Variants in ZFPM2 observed in about 807,000 individuals in gnomAD.
ZFPM2 encodes the protein zinc finger protein ZFPM2.
In ZFPM2, 20 loss-of-function variants were observed where a neutral mutation model predicts 98.6. That is an observed-to-expected ratio of 0.20 (90% CI 0.14 to 0.29). ZFPM2 has a LOEUF of 0.29. ZFPM2 is among the 10% of genes least tolerant of loss of function. ZFPM2 has a pLI of 1.00. For missense variants in ZFPM2, 1,310 were observed against 1,388.6 expected, an observed-to-expected ratio of 0.94 and a Z score of 0.90; for synonymous variants, 518 against 502.7, an observed-to-expected ratio of 1.03 and a Z score of -0.41.
intron 7 of ZFPM2, among the ~76,000 whole-genome samples, chr8:105,799,854 A>G (rs1461963178): frequency 6.6e-6 from 1 of 152,174 alleles, no homozygotes. Flanking sequence ...AAATGGAAAC[A>G]CATGTTGAGT....
intron 3 of ZFPM2, among the ~76,000 whole-genome samples, chr8:105,503,934 G>A (rs1483590371): frequency 6.6e-6 from 1 of 152,166 alleles, no homozygotes; most frequent in East Asian, 1.9e-4. Flanking sequence ...GTCGCTGCTG[G>A]TATCCATTCT....
chr8:105,797,708 A>G (rs1813875158), intron 6 of ZFPM2, among the ~76,000 whole-genome samples: 1 of 151,914 alleles, frequency 6.6e-6, no homozygotes, highest in Admixed American at 6.6e-5. Context: ...GGATGATCCA[A>G]CCCCTCTTCT....
intron 3 of ZFPM2, among the ~76,000 whole-genome samples, chr8:105,476,980 T>C (rs907010218): frequency 2.0e-5 from 3 of 152,120 alleles, no homozygotes; most frequent in Non-Finnish European, 4.4e-5. Flanking sequence ...ACTCACAAAC[T>C]GGATGTTTGG....
chr8:105,578,917 AT>A, intron 4 of ZFPM2, among the ~76,000 whole-genome samples: 1 of 152,274 alleles, frequency 6.6e-6, no homozygotes, highest in South Asian at 2.1e-4. Flanking sequence ...GATATTTACA[AT>A]GCTCATTATG....
At chr8:105,584,791 A>G (rs1320626983) in intron 4 of ZFPM2, among the ~76,000 whole-genome samples, 1 of 152,210 alleles carries the variant, frequency 6.6e-6, no homozygotes, top group Non-Finnish European at 1.5e-5. Context: ...AGTGGTCTGT[A>G]TCTCACCACT....
Position 105,788,730 on chromosome 8 carries a change from G to C in ZFPM2, c.545G>C (p.Trp182Ser). ...CIVYSKGGQLWCTTTKAISEG... is the reference protein window; with the variant it reads ...CIVYSKGGQLSCTTTKAISEG... ...TTCTTCTTAATAGGGGGTCAGCTTT[G>C]GTGTACAACTACGAAGGCCATCTCT... The change falls in exon 6 of 8, where the codon TGG becomes TCG. Residue 182 changes from tryptophan to serine, a missense_variant. Physicochemically the swap from Trp to Ser is radical, Grantham distance 177. Coordinates refer to ENST00000407775, the MANE Select transcript of ZFPM2 (RefSeq NM_012082.4). The C allele has an allele frequency of 1.2e-6, 2 of 1,613,840 alleles. No homozygotes were observed. Among genetic ancestry groups the C allele is most frequent in the Non-Finnish European group, 1.7e-6 (2 of 1,179,824 alleles).
intron 3 of ZFPM2, among the ~76,000 whole-genome samples, chr8:105,544,979 G>A (rs1814660995): frequency 6.6e-6 from 1 of 151,950 alleles, no homozygotes; most frequent in Non-Finnish European, 1.5e-5. Context: ...TCAAAAGGGT[G>A]GATTAATAAT....
rs1344400860 is a variant in ZFPM2, at chr8:105,802,301, A to C, written c.2219A>C (p.Lys740Thr). Reference protein sequence around the residue: ...QRTMRTRKRRKMYEMCLPEQE... With the variant: ...QRTMRTRKRRTMYEMCLPEQE... ...ACCATGCGCACACGCAAGCGCAGAA[A>C]GATGTATGAGATGTGCCTACCTGAG... Residue 740 changes from lysine to threonine, a missense_variant, in exon 8 of 8, where the codon AAG (lysine) becomes ACG (threonine). Physicochemically the swap from Lys to Thr is moderately conservative, Grantham distance 78 (BLOSUM62 -1). Coordinates refer to ENST00000407775, the MANE Select transcript of ZFPM2 (RefSeq NM_012082.4). 1.2e-6 allele frequency: 2 copies of C among 1,613,678 alleles called. No homozygotes were observed. Among genetic ancestry groups the C allele is most frequent in the Non-Finnish European group, 1.7e-6 (2 of 1,179,806 alleles).
At chr8:105,751,192 A>G (rs1037742195) in intron 5 of ZFPM2, among the ~76,000 whole-genome samples, 1 of 152,096 alleles carries the variant, frequency 6.6e-6, no homozygotes, top group South Asian at 2.1e-4. Context: ...ATTTATTTCT[A>G]CCTTTACAAA....
chr8:105,326,146 A>G (rs1812110874), intron 1 of ZFPM2, among the ~76,000 whole-genome samples: 1 of 151,698 alleles, frequency 6.6e-6, no homozygotes, highest in African/African-American at 2.4e-5. Context: ...CTTATTTCTA[A>G]TAAGGAAAAT....
intron 3 of ZFPM2, among the ~76,000 whole-genome samples, chr8:105,547,626 C>A (rs1444882636): frequency 6.7e-6 from 1 of 148,598 alleles, no homozygotes; most frequent in Non-Finnish European, 1.5e-5. Flanking sequence ...TTACTTAAGT[C>A]AGTGACTGTA....
Position 105,625,738 on chromosome 8 carries a change from C to T in ZFPM2, c.421-8508C>T, listed in dbSNP as rs540223352. Among the ~76,000 whole-genome samples, 5 of 152,084 alleles carry T rather than the reference C, an allele frequency of 3.3e-5. No individual in the cohort carries two copies. The East Asian group carries it at 9.7e-4, about 30-fold the overall frequency. ...GGGATTACAGGTGCCCACCACCAAA[C>T]CTGGCTAATGTTTTTTGTAATTTTA... On this transcript the variant is annotated intron_variant, in intron 4 of 7. Coordinates refer to ENST00000407775, the MANE Select transcript of ZFPM2 (RefSeq NM_012082.4).
At chr8:105,394,035 A>G (rs1480426160) in intron 1 of ZFPM2, among the ~76,000 whole-genome samples, 1 of 151,778 alleles carries the variant, frequency 6.6e-6, no homozygotes, top group Non-Finnish European at 1.5e-5. Context: ...CTGAGACTAC[A>G]GGCGCCTGCC....
chr8:105,552,077 A>C (rs567806154), intron 3 of ZFPM2, among the ~76,000 whole-genome samples: 1 of 152,340 alleles, frequency 6.6e-6, no homozygotes, highest in African/African-American at 2.4e-5. Context: ...TTAGTGCCAT[A>C]AATATCAATG....
At chr8:105,776,087 AG>A in intron 5 of ZFPM2, among the ~76,000 whole-genome samples, 1 of 151,932 alleles carries the variant, frequency 6.6e-6, no homozygotes, top group South Asian at 2.1e-4. Flanking sequence ...TTTTCTTACA[AG>A]GAAAAAAAAA....
intron 1 of ZFPM2, among the ~76,000 whole-genome samples, chr8:105,336,154 T>C (rs372636879): frequency 7.6e-4 from 116 of 151,952 alleles, no homozygotes; most frequent in Middle Eastern, 3.4e-3. Context: ...GAGTCTTTCA[T>C]TGGGGTTCAC....
chr8:105,330,601 T>C (rs1213060310), intron 1 of ZFPM2, among the ~76,000 whole-genome samples: 477 of 27,188 alleles, frequency 0.018, 16 homozygotes, highest in African/African-American at 0.084. Context: ...TATACATATA[T>C]ATATATATAC....
chr8:105,648,682 G>C (rs1003732493), intron 5 of ZFPM2, among the ~76,000 whole-genome samples: 3 of 152,208 alleles, frequency 2.0e-5, no homozygotes, highest in African/African-American at 7.2e-5. Flanking sequence ...AAGATCAGAT[G>C]GTTGTAGATG....
chr8:105,602,635 A>G (rs1816116296), intron 4 of ZFPM2, among the ~76,000 whole-genome samples: 1 of 152,084 alleles, frequency 6.6e-6, no homozygotes, highest in African/African-American at 2.4e-5. Flanking sequence ...CATGCCTGTG[A>G]TACATATGTG....
Sources: gnomAD v4.1 joint callset for allele counts (sites outside exome capture counted in the v4.1 genomes callset) on GRCh38, gnomAD v4.1.1 for gene constraint, MANE v1.5 for transcripts, NCBI Gene and HGNC (gene_info 2026-07-23, HGNC 2026-07-21) for gene names.